COL18A1: variants seen among roughly 807,000 people sequenced by gnomAD.
COL18A1 encodes the protein collagen type XVIII alpha 1 chain.
COL18A1 carries 133 observed loss-of-function variants against 168.0 expected under a neutral mutation model. That is an observed-to-expected ratio of 0.79 (90% CI 0.69 to 0.91). The LOEUF is 0.91. Ranked by LOEUF, COL18A1 falls within the 40% of genes least tolerant of loss-of-function variation. The pLI, the probability that COL18A1 is intolerant of heterozygous loss-of-function variation, is 0.00. For synonymous variants in COL18A1, 949 were observed against 809.0 expected (o/e 1.17, Z -2.94); for missense variants, 2,126 against 1,925.4 (o/e 1.10, Z -1.95).
intron 2 of COL18A1, among the ~76,000 whole-genome samples, chr21:45,447,195 T>TTA (rs370444245): frequency 0.034 from 5,028 of 150,006 alleles, 92 homozygotes; most frequent in African/African-American, 0.048. Context: ...AGGCCAGATC[T>TTA]TATATATATA....
chr21:45,418,504 G>T (rs919900069), intron 2 of COL18A1, among the ~76,000 whole-genome samples: 2 of 152,122 alleles, frequency 1.3e-5, no homozygotes, highest in African/African-American at 2.4e-5. Flanking sequence ...GCTCTGGGGC[G>T]GCGCTTGCCC....
chr21:45,455,182 G>T (rs2034751484), intron 2 of COL18A1, among the ~76,000 whole-genome samples: 1 of 152,234 alleles, frequency 6.6e-6, no homozygotes, highest in Non-Finnish European at 1.5e-5. Flanking sequence ...TCCTGGCTTG[G>T]AGCCCCAATC....
intron 2 of COL18A1, among the ~76,000 whole-genome samples, chr21:45,452,516 G>C (rs2034646992): frequency 6.6e-6 from 1 of 152,114 alleles, no homozygotes. Flanking sequence ...CGTGACGTGT[G>C]AGCATGCATG....
At chr21:45,408,733 C>G (rs2033197869) in intron 2 of COL18A1, among the ~76,000 whole-genome samples, 1 of 151,964 alleles carries the variant, frequency 6.6e-6, no homozygotes, top group Non-Finnish European at 1.5e-5. Flanking sequence ...CACCCCCGCT[C>G]ACTGTGTTGG....
In COL18A1 at chr21:45,479,658, G is replaced by A. The variant is rs191635027; in HGVS notation, c.1249-244G>A. On this transcript the variant is annotated intron_variant, in intron 9 of 41. Coordinates refer to ENST00000651438, the MANE Select transcript of COL18A1 (RefSeq NM_001379500.1). ...AGCACCAGCTGTTGTGGAGGCCTTC[G>A]GGGAACCTGCTGTGACCTCCCGAGG... Among the ~76,000 whole-genome samples the A allele has an allele frequency of 2.0e-4, 31 of 152,178 alleles. 1 individual carries two copies. The highest frequency in any genetic ancestry group is 7.0e-4 in the African/African-American group (29 of 41,508).
chr21:45,457,915 G>C lies in COL18A1; in HGVS notation c.107-10327G>C, dbSNP rs2034896506. ...GACGCCCACCCACCAGGCTCCGTGA[G>C]GGATGACGAGCTTGGTGATTCCCCT... is the stretch of plus-strand genomic sequence containing the variant. On this transcript the variant is annotated intron_variant, in intron 2 of 41. Transcript: ENST00000651438. This position sits in a 1 kb window ranked among gnomAD's most constrained non-coding sequence, Gnocchi z 4.6. Among the ~76,000 whole-genome samples, 1 of 152,162 alleles carries C rather than the reference G, an allele frequency of 6.6e-6. No homozygotes were observed. The highest frequency in any genetic ancestry group is 1.5e-5 in the Non-Finnish European group (1 of 68,022).
intron 31 of COL18A1, 131 bp downstream of exon 31, chr21:45,497,223 C>T (rs949716283): frequency 4.4e-5 from 32 of 728,408 alleles, no homozygotes; most frequent in Admixed American, 9.9e-5. Flanking sequence ...GCCCAGCCCA[C>T]GCCCCAGTTC....
At chr21:45,449,842 C>T (rs544093565) in intron 2 of COL18A1, among the ~76,000 whole-genome samples, 28 of 150,656 alleles carry the variant, frequency 1.9e-4, no homozygotes, top group Non-Finnish European at 3.6e-4. Flanking sequence ...TGAGAGGTCC[C>T]GGCCAAGCAG....
rs1398593640 is a variant in COL18A1, at chr21:45,423,061, G to T, written c.106+17588G>T. Among the ~76,000 whole-genome samples, 1 of 152,088 alleles carries T rather than the reference G, an allele frequency of 6.6e-6. No individual in the cohort carries two copies. Among genetic ancestry groups the T allele is most frequent in the South Asian group, 2.1e-4 (1 of 4,826 alleles). ...ACTCCCGACCTCAGGTGATCTGCCC[G>T]CATCTCCTTCCCAGAGTGTTGGGAT... is the stretch of plus-strand genomic sequence containing the variant. On this transcript the variant is annotated intron_variant, in intron 2 of 41. Coordinates refer to ENST00000651438, the MANE Select transcript of COL18A1 (RefSeq NM_001379500.1). This position sits in a 1 kb window ranked among gnomAD's most constrained non-coding sequence, Gnocchi z 4.0.
chr21:45,439,532 G>T (rs543286821), intron 2 of COL18A1, among the ~76,000 whole-genome samples: 3 of 150,956 alleles, frequency 2.0e-5, no homozygotes, highest in African/African-American at 7.3e-5. Context: ...TTGGGACTTC[G>T]GTGCCTGCTG....
At chr21:45,478,040 G>A (rs2035744801) in intron 8 of COL18A1, 75 bp downstream of exon 8, 3 of 842,630 alleles carry the variant, frequency 3.6e-6, no homozygotes, top group Non-Finnish European at 3.8e-6. Context: ...AGAGGCTGCG[G>A]CCGACATGGG....
intron 2 of COL18A1, among the ~76,000 whole-genome samples, chr21:45,413,195 G>A (rs900641488): frequency 1.2e-4 from 18 of 152,244 alleles, no homozygotes; most frequent in African/African-American, 2.7e-4. Context: ...GGTTTGCAAC[G>A]TGAGTAAAAT....
intron 2 of COL18A1, among the ~76,000 whole-genome samples, chr21:45,429,803 G>T (rs1264058420): frequency 6.6e-6 from 1 of 152,188 alleles, no homozygotes; most frequent in Non-Finnish European, 1.5e-5. Context: ...CACGGGACCT[G>T]GGCTCCCCCA....
At chr21:45,503,364 GTCT>G (rs1216300307) in intron 32 of COL18A1, among the ~76,000 whole-genome samples, 2 of 152,112 alleles carry the variant, frequency 1.3e-5, no homozygotes, top group South Asian at 2.1e-4. Flanking sequence ...CTGCATAAAT[GTCT>G]TCTTTTGAGA....
intron 2 of COL18A1, among the ~76,000 whole-genome samples, chr21:45,461,444 C>T (rs774107499): frequency 1.7e-4 from 25 of 151,294 alleles, no homozygotes; most frequent in Non-Finnish European, 3.4e-4. Context: ...GGGCACCGTC[C>T]ATCCGGCACC....
intron 31 of COL18A1, 53 bp downstream of exon 31, chr21:45,497,145 G>A: frequency 3.5e-6 from 4 of 1,147,214 alleles, no homozygotes; most frequent in Non-Finnish European, 5.2e-6. Flanking sequence ...GGATGCTCCA[G>A]AGCCCCACCT....
rs1292272336 is a variant in COL18A1, at chr21:45,495,893, CTATG to C, written c.2508+462_2508+465del. ...TCCACATGTGTATCCACATACATGA[CTATG>C]AGCCCTCCCTGGCCCATTCCATGAT... On this transcript the variant is annotated intron_variant, in intron 29 of 41. Coordinates refer to ENST00000651438, the MANE Select transcript of COL18A1 (RefSeq NM_001379500.1). The C allele has an allele frequency of 1.6e-5, 5 of 317,466 alleles. No individual in the cohort carries two copies. The East Asian group carries it at 4.0e-4, about 26-fold the overall frequency. The allele number at this position is 317,466 out of a possible 1,614,324, so 19.7% of individuals were successfully genotyped here. A position where few individuals can be genotyped will look rare whatever the true frequency, so the allele number is the denominator to read the frequency against.
rs1195271854 is a variant in COL18A1 at position 45,455,668 on chromosome 21, T to C, written c.107-12574T>C. On this transcript the variant is annotated intron_variant, in intron 2 of 41. Coordinates refer to ENST00000651438, the MANE Select transcript of COL18A1 (RefSeq NM_001379500.1). ...CCAGCCATGCAGCTACCACGATCCC[T>C]GAGCCCCAGGGGCCCCTGCCTGTGC... The C allele has an allele frequency of 2.5e-6, 4 of 1,613,818 alleles. No individual in the cohort carries two copies. The highest frequency in any genetic ancestry group is 3.4e-6 in the Non-Finnish European group (4 of 1,179,974).
chr21:45,415,513 C>T (rs1352233975), intron 2 of COL18A1, among the ~76,000 whole-genome samples: 3 of 152,158 alleles, frequency 2.0e-5, no homozygotes, highest in Admixed American at 6.5e-5. Context: ...TGCGCAGGGG[C>T]GGCGGAGCGG....
Sources: allele counts gnomAD v4.1 joint callset (sites outside exome capture counted in the v4.1 genomes callset), GRCh38; gene constraint gnomAD v4.1.1; non-coding constraint Gnocchi (gnomAD v3.1); transcripts MANE v1.5; gene names NCBI Gene and HGNC (gene_info 2026-07-23, HGNC 2026-07-21).